GAS2L2: variants seen among roughly 807,000 people sequenced by gnomAD.
The protein encoded by GAS2L2 is GAS2-like protein 2.
Under a neutral mutation model 35.2 loss-of-function variants are expected in GAS2L2, and 21 were observed. The observed-to-expected ratio is 0.60, with a 90% CI of 0.42 to 0.86. GAS2L2 has a LOEUF of 0.86. Ranked by LOEUF, GAS2L2 falls within the 40% of genes least tolerant of loss-of-function variation. The probability of loss-of-function intolerance (pLI) is 0.00; values close to 1 mark genes in which losing one functional copy is unlikely to be tolerated. For missense variants in GAS2L2, 1,169 were observed against 1,144.4 expected (o/e 1.02, Z -0.31); for synonymous variants, 490 against 473.2 (o/e 1.04, Z -0.46).
At chr17:35,751,910 G>C (rs1169459823) in intron 1 of GAS2L2, among the ~76,000 whole-genome samples, 1 of 136,348 alleles carries the variant, frequency 7.3e-6, no homozygotes, top group Non-Finnish European at 1.5e-5. Context: ...AGGTTGGAGT[G>C]CAGTGGCGCC....
At position 35,745,478 on chromosome 17, in the gene GAS2L2, C is replaced by T; in HGVS notation, c.2019G>A (p.Trp673Ter). ...TAGGGGAGCCAGTCGGGGCTGCCTT[C>T]CAGGCTTCCAGGTCCACTTTAAGGA... ...PSLLKVDLEA[W>*]KAAPTGSPKP... is the part of the protein sequence containing the mutation. Residue 673 changes from tryptophan (W) to a stop codon, truncating the protein, a stop_gained, in exon 6 of 6, where the codon TGG (tryptophan) becomes TGA (stop). Coordinates refer to ENST00000604641, the MANE Select transcript of GAS2L2 (RefSeq NM_139285.4). LOFTEE classifies it low-confidence loss of function (END_TRUNC). 1 of 1,596,342 alleles carries T rather than the reference C, an allele frequency of 6.3e-7. No individual in the cohort carries two copies. The highest frequency in any genetic ancestry group is 8.6e-7 in the Non-Finnish European group (1 of 1,169,436).
Position 35,745,435 on chromosome 17 carries a change from C to T in GAS2L2, c.2062G>A (p.Gly688Arg). The stretch of plus-strand genomic sequence containing the variant: ...AACTTCCCTTTGAGGCTTCCCGGTC[C>T]TGGGGTAACAGCTGGCTTAGGGGAG... ...TGSPKPAVTP[G>R]PGSLKGKLGA... is the part of the protein sequence containing the mutation. Residue 688 changes from glycine to arginine, a missense_variant, in exon 6 of 6, where the codon GGA (glycine) becomes AGA (arginine). Gly to Arg is a moderately radical substitution (Grantham distance 125). Transcript: ENST00000604641. 1 of 1,576,718 alleles carries T rather than the reference C, an allele frequency of 6.3e-7. No homozygotes were observed. The highest frequency in any genetic ancestry group is 1.2e-5 in the South Asian group (1 of 85,086).
rs2085712828 is a variant in GAS2L2 at position 35,752,851 on chromosome 17, G to A, written c.-1C>T. ...TCCTGCCTCCCGCAGGCTGGGACATGGCTGGACCCCAGCAGGGCAGGAGGT... is the reference window on the plus strand; with the variant it reads ...TCCTGCCTCCCGCAGGCTGGGACATAGCTGGACCCCAGCAGGGCAGGAGGT... On this transcript the variant is annotated 5_prime_UTR_variant, in exon 1 of 6. Transcript: ENST00000604641. 1.9e-6 allele frequency: 3 copies of A among 1,590,534 alleles called. No individual in the cohort carries two copies. In the African/African-American group the frequency reaches 4.0e-5, roughly 21 times the overall value.
chr17:35,746,942 T>C (rs2085671958), intron 5 of GAS2L2, 74 bp downstream of exon 5: 1 of 1,429,044 alleles, frequency 7.0e-7, no homozygotes, highest in South Asian at 1.4e-5. Context: ...GCTCCTTTTA[T>C]CTTGGAGTGT....
At chr17:35,748,020 G>T in intron 3 of GAS2L2, 75 bp from the exon 4 acceptor site, 1 of 1,089,798 alleles carries the variant, frequency 9.2e-7, no homozygotes, top group Non-Finnish European at 1.4e-6. Context: ...CGGGCTTCCG[G>T]CACTCACTCA....
At chr17:35,747,808 T>C (rs369274677) in intron 4 of GAS2L2, 41 bp downstream of exon 4, 55 of 1,569,706 alleles carry the variant, frequency 3.5e-5, no homozygotes, top group Non-Finnish European at 7.0e-6. Context: ...GCTAGGCCTC[T>C]TCAACCAACC....
chr17:35,745,897 C>A lies in GAS2L2; in HGVS notation c.1600G>T (p.Asp534Tyr). 1 of 1,613,344 alleles carries A rather than the reference C, an allele frequency of 6.2e-7. No homozygotes were observed. Among genetic ancestry groups the A allele is most frequent in the East Asian group, 2.2e-5 (1 of 44,868 alleles). ...SGSPRTELGRDPIPLRAVTVD... is the reference protein window; with the variant it reads ...SGSPRTELGRYPIPLRAVTVD... ...GTGACGGCCCTTAGTGGGATGGGGTCTCTCCCAAGTTCTGTCCTGGGACTT... is the reference window on the plus strand; with the variant it reads ...GTGACGGCCCTTAGTGGGATGGGGTATCTCCCAAGTTCTGTCCTGGGACTT... The change falls in exon 6 of 6, where the codon GAC becomes TAC. Residue 534 changes from aspartate to tyrosine, a missense_variant. Physicochemically the swap from Asp to Tyr is radical, Grantham distance 160 (BLOSUM62 -3). This residue lies in a region of GAS2L2 where 1,035 missense variants were observed against 976.5 expected (regional missense o/e 1.06). Transcript: ENST00000604641.
chr17:35,747,009 C>T lies in GAS2L2; in HGVS notation c.1085+7G>A. ...AAAAGAGCCCCATCCCTGTCTCTTC[C>T]CCATACCTCAGGAATGGTGCCATCT... is the stretch of plus-strand genomic sequence containing the variant. On this transcript the variant is annotated splice_region_variant and intron_variant, in intron 5 of 5. Coordinates refer to ENST00000604641, the MANE Select transcript of GAS2L2 (RefSeq NM_139285.4). 6.5e-7 allele frequency: 1 copy of T among 1,544,018 alleles called. No homozygotes were observed. The highest frequency in any genetic ancestry group is 1.4e-5 in the African/African-American group (1 of 72,784).
Position 35,750,266 on chromosome 17 carries a change from G to T in GAS2L2, c.438C>A (p.Asn146Lys). The T allele has an allele frequency of 6.2e-7, 1 of 1,613,548 alleles. No individual in the cohort carries two copies. Among genetic ancestry groups the T allele is most frequent in the Non-Finnish European group, 8.5e-7 (1 of 1,179,560 alleles). ...EDLVLRKNVKNVVLCLLELGR... is the reference protein window; with the variant it reads ...EDLVLRKNVKKVVLCLLELGR... ...CCAGCTCCAGCAAACACAGCACCAC[G>T]TTCTTCACGTTCTTGCGCAGCACCA... The change falls in exon 2 of 6, where the codon AAC (asparagine) becomes AAA (lysine). Residue 146 changes from asparagine (N) to lysine (K), a missense_variant. Asn to Lys is a moderately conservative substitution (Grantham distance 94). This residue lies in a region of GAS2L2 where 1,035 missense variants were observed against 976.5 expected (regional missense o/e 1.06). Transcript: ENST00000604641.
In GAS2L2 at chr17:35,745,702, C is replaced by T. The variant is rs587719268; in HGVS notation, c.1795G>A (p.Ala599Thr). 2 of 1,613,994 alleles carry T rather than the reference C, an allele frequency of 1.2e-6. No individual in the cohort carries two copies. Among genetic ancestry groups the T allele is most frequent in the Admixed American group, 1.7e-5 (1 of 60,030 alleles). Reference sequence around the variant, plus strand: ...TCCTCTTCAAGGCTACAGTAGATGGCTTGCTCCTTGTTCCCGCCCAAGGGC... The same window carrying T: ...TCCTCTTCAAGGCTACAGTAGATGGTTTGCTCCTTGTTCCCGCCCAAGGGC... ...PLPLGGNKEQ[A>T]IYCSLEEEIL... The change falls in exon 6 of 6, where the codon GCC becomes ACC. Residue 599 changes from alanine to threonine, a missense_variant. By Grantham distance (58) the Ala-to-Thr change is moderately conservative (BLOSUM62 0). This residue lies in a region of GAS2L2 where 1,035 missense variants were observed against 976.5 expected (regional missense o/e 1.06). Transcript: ENST00000604641.
At chr17:35,747,698 G>C (rs1555599210) in intron 4 of GAS2L2, 151 bp downstream of exon 4, 2 of 647,618 alleles carry the variant, frequency 3.1e-6, no homozygotes, top group Non-Finnish European at 2.8e-6. Context: ...CCCAACTACT[G>C]CCTGCCTTCC....
chr17:35,752,818 G>A lies in GAS2L2; in HGVS notation c.33C>T (p.Pro11=). The stretch of plus-strand genomic sequence containing the variant: ...TGCACACAGGCGGCCCTAGGGTCCT[G>A]GGCTTCCTCCTGCCTCCCGCAGGCT... MSQPAGGRRK[P]RTLGPPVCSI... is the part of the protein sequence containing the mutation. The change falls in exon 1 of 6, where the codon CCC becomes CCT. Residue 11 remains proline (P), a synonymous_variant. Transcript: ENST00000604641. 6.2e-7 allele frequency: 1 copy of A among 1,603,452 alleles called. No individual in the cohort carries two copies.
In GAS2L2 at chr17:35,745,125, T is replaced by C; in HGVS notation, c.2372A>G (p.Gln791Arg). ...CAGTGGCCTGGGGATTCGTGAAGGC[T>C]GCTTCTCAGGCCTGTGGTCTCTCCG... ...RPRRDHRPEKQPSRIPRPLAY... is the reference protein window; with the variant it reads ...RPRRDHRPEKRPSRIPRPLAY... Residue 791 changes from glutamine (Q) to arginine (R), a missense_variant, in exon 6 of 6, where the codon CAG becomes CGG. Coordinates refer to ENST00000604641, the MANE Select transcript of GAS2L2 (RefSeq NM_139285.4). 1 of 1,613,452 alleles carries C rather than the reference T, an allele frequency of 6.2e-7. No homozygotes were observed. The highest frequency in any genetic ancestry group is 1.7e-5 in the Admixed American group (1 of 60,008).
Position 35,744,938 on chromosome 17 carries a change from C to T in GAS2L2, c.2559G>A (p.Glu853=). 6.2e-7 allele frequency: 1 copy of T among 1,614,020 alleles called. No homozygotes were observed. Among genetic ancestry groups the T allele is most frequent in the Non-Finnish European group, 8.5e-7 (1 of 1,179,938 alleles). ...GGCCCTCTGGAGGTTGGGGGCTGCT[C>T]TCCAATGGAGCGGCTGGCTCTTTCT... ...KEEKEPAAPL[E]SSPQPPEGLQ... Residue 853 remains glutamate (E), a synonymous_variant, in exon 6 of 6, where the codon GAG becomes GAA. Coordinates refer to ENST00000604641, the MANE Select transcript of GAS2L2 (RefSeq NM_139285.4).
chr17:35,752,786 C>T lies in GAS2L2; in HGVS notation c.65G>A (p.Arg22Gln), dbSNP rs772529656. The change falls in exon 1 of 6, where the codon CGG (arginine) becomes CAG (glutamine). Residue 22 changes from arginine to glutamine, a missense_variant. Arg to Gln is a conservative substitution (Grantham distance 43). This residue lies in a region of GAS2L2 where 127 missense variants were observed against 146.1 expected (regional missense o/e 0.87). Coordinates refer to ENST00000604641, the MANE Select transcript of GAS2L2 (RefSeq NM_139285.4). ...GTACTGCTCACTCGACTTGAAAGGC[C>T]GGATACTGCACACAGGCGGCCCTAG... is the stretch of plus-strand genomic sequence containing the variant. ...RTLGPPVCSI[R>Q]PFKSSEQYLE... 8.2e-5 allele frequency: 132 copies of T among 1,613,564 alleles called. No homozygotes were observed. Among genetic ancestry groups the T allele is most frequent in the Non-Finnish European group, 9.9e-5 (117 of 1,180,000 alleles).
Position 35,746,568 on chromosome 17 carries a change from C to T in GAS2L2, c.1086-157G>A, listed in dbSNP as rs587734975. Among the ~76,000 whole-genome samples, 37 of 152,254 alleles carry T rather than the reference C, an allele frequency of 2.4e-4. 1 individual carries two copies. The highest frequency in any genetic ancestry group is 1.0e-3 in the Admixed American group (16 of 15,302). On this transcript the variant is annotated intron_variant, in intron 5 of 5. Coordinates refer to ENST00000604641, the MANE Select transcript of GAS2L2 (RefSeq NM_139285.4). ...AATGAAACCTATGCTCCCTCTCCTC[C>T]GTGACTGCCCAGAAATCCTCCTTAT...
chr17:35,745,596 C>A lies in GAS2L2; in HGVS notation c.1901G>T (p.Gly634Val). ...CCCAGCCAGCCTGGGGATGTAGACC[C>A]CACTGCGAGGGATGACCCCAGACCT... is the stretch of plus-strand genomic sequence containing the variant. ...GTRSGVIPRS[G>V]VYIPRLAGQW... Residue 634 changes from glycine to valine, a missense_variant, in exon 6 of 6, where the codon GGG (glycine) becomes GTG (valine). By Grantham distance (109) the Gly-to-Val change is moderately radical (BLOSUM62 -3). Around this residue, in one of 3 missense-constraint regions of GAS2L2, gnomAD observed 1,035 missense variants for 976.5 expected, o/e 1.06. Coordinates refer to ENST00000604641, the MANE Select transcript of GAS2L2 (RefSeq NM_139285.4). 6.2e-7 allele frequency: 1 copy of A among 1,613,940 alleles called. No homozygotes were observed. Among genetic ancestry groups the A allele is most frequent in the Non-Finnish European group, 8.5e-7 (1 of 1,180,020 alleles).
In GAS2L2 at chr17:35,745,383, G is replaced by T; in HGVS notation, c.2114C>A (p.Thr705Lys). 6.3e-7 allele frequency: 1 copy of T among 1,587,134 alleles called. No homozygotes were observed. The highest frequency in any genetic ancestry group is 8.6e-7 in the Non-Finnish European group (1 of 1,165,608). ...KLGARQSGPRTKASLSAKGTH... is the reference protein window; with the variant it reads ...KLGARQSGPRKKASLSAKGTH... ...GCCCTTGGCACTCAGGCTTGCCTTT[G>T]TCCTGGGCCCACTCTGTCTGGCTCC... is the stretch of plus-strand genomic sequence containing the variant. The change falls in exon 6 of 6, where the codon ACA becomes AAA. Residue 705 changes from threonine (T) to lysine (K), a missense_variant. By Grantham distance (78) the Thr-to-Lys change is moderately conservative. This residue lies in a region of GAS2L2 where 1,035 missense variants were observed against 976.5 expected (regional missense o/e 1.06). Coordinates refer to ENST00000604641, the MANE Select transcript of GAS2L2 (RefSeq NM_139285.4).
chr17:35,747,975 G>A, intron 3 of GAS2L2, 30 bp from the exon 4 acceptor site: 1 of 1,568,836 alleles, frequency 6.4e-7, no homozygotes, highest in Non-Finnish European at 8.8e-7. Context: ...GTTAAGGGCG[G>A]GGTGGAGGGC....
Sources: gnomAD v4.1 joint callset for allele counts (sites outside exome capture counted in the v4.1 genomes callset) on GRCh38, gnomAD v4.1.1 for gene constraint, gnomAD v4.1.1 regional missense constraint, MANE v1.5 for transcripts, NCBI Gene and HGNC (gene_info 2026-07-23, HGNC 2026-07-21) for gene names.